VWA3B: variants seen among roughly 807,000 people sequenced by gnomAD.
The protein encoded by VWA3B is von Willebrand factor A domain containing 3B.
VWA3B carries 138 observed loss-of-function variants against 158.3 expected under a neutral mutation model. The ratio of observed to expected loss-of-function variants is 0.87; its 90% CI spans 0.76 to 1.00. The LOEUF (loss-of-function observed/expected upper bound fraction) is 1.00. Ranked by LOEUF, VWA3B falls within the 50% of genes least tolerant of loss-of-function variation. The probability of loss-of-function intolerance (pLI) is 0.00; values close to 1 mark genes in which losing one functional copy is unlikely to be tolerated. For missense variants in VWA3B, 1,555 were observed against 1,565.1 expected (o/e 0.99, Z 0.11); for synonymous variants, 596 against 587.3 (o/e 1.01, Z -0.21).
intron 7 of VWA3B, among the ~76,000 whole-genome samples, chr2:98,144,190 T>C (rs1676998457): frequency 1.3e-5 from 2 of 152,168 alleles, no homozygotes; most frequent in African/African-American, 4.8e-5. Flanking sequence ...TGGTTATATG[T>C]GTATACATGC....
intron 13 of VWA3B, among the ~76,000 whole-genome samples, chr2:98,216,017 A>G (rs1224143648): frequency 2.0e-5 from 3 of 152,188 alleles, no homozygotes; most frequent in Non-Finnish European, 4.4e-5. Flanking sequence ...CACTGGCTTT[A>G]TAGGAACTGA....
intron 2 of VWA3B, among the ~76,000 whole-genome samples, chr2:98,114,610 C>A (rs1310860837): frequency 2.6e-5 from 4 of 152,170 alleles, no homozygotes; most frequent in African/African-American, 4.8e-5. Flanking sequence ...ACAAGTACCA[C>A]CATTCTGTCT....
At chr2:98,096,430 A>T (rs1335893968) in intron 2 of VWA3B, among the ~76,000 whole-genome samples, 3 of 152,038 alleles carry the variant, frequency 2.0e-5, no homozygotes, top group African/African-American at 7.2e-5. Flanking sequence ...CACCATGCCC[A>T]GCAAATTTTT....
At chr2:98,246,269 A>G (rs753019929) in intron 19 of VWA3B, among the ~76,000 whole-genome samples, 33 of 152,170 alleles carry the variant, frequency 2.2e-4, no homozygotes, top group Non-Finnish European at 4.4e-4. Context: ...AAAGCATTTC[A>G]GATAAAGTTG....
At chr2:98,162,731 G>A (rs1370899069) in intron 7 of VWA3B, 120 bp from the exon 8 acceptor site, 27 of 1,368,370 alleles carry the variant, frequency 2.0e-5, no homozygotes, top group African/African-American at 1.2e-4. Flanking sequence ...TGGGGGAAGC[G>A]GAATTTGATG....
At chr2:98,305,253 G>A (rs1690449074) in intron 26 of VWA3B, among the ~76,000 whole-genome samples, 1 of 152,182 alleles carries the variant, frequency 6.6e-6, no homozygotes, top group Admixed American at 6.5e-5. Flanking sequence ...AACCCAGGCT[G>A]CTCTCCTGTG....
At chr2:98,250,518 T>C in intron 20 of VWA3B, 82 bp downstream of exon 20, 1 of 182,336 alleles carries the variant, frequency 5.5e-6, no homozygotes, top group East Asian at 1.5e-4. Flanking sequence ...TTAGCTTAGC[T>C]TTTTTTTTTT....
intron 17 of VWA3B, among the ~76,000 whole-genome samples, chr2:98,236,087 A>G (rs1216064714): frequency 1.3e-5 from 2 of 152,152 alleles, no homozygotes; most frequent in Non-Finnish European, 2.9e-5. Context: ...TTGAACAATC[A>G]TTGGTTAATG....
chr2:98,185,546 C>G (rs1680968077), intron 9 of VWA3B, among the ~76,000 whole-genome samples: 1 of 152,226 alleles, frequency 6.6e-6, no homozygotes, highest in Non-Finnish European at 1.5e-5. Flanking sequence ...CACTGGCTGT[C>G]CTCTCCTCCT....
At chr2:98,133,583 C>T (rs1309460569) in intron 6 of VWA3B, 1 of 477,708 alleles carries the variant, frequency 2.1e-6, no homozygotes, top group Non-Finnish European at 3.7e-6. Flanking sequence ...AGCTAATTTA[C>T]CCTCTAATGA....
chr2:98,160,840 C>A (rs1430990056), intron 7 of VWA3B, among the ~76,000 whole-genome samples: 1 of 152,230 alleles, frequency 6.6e-6, no homozygotes, highest in East Asian at 1.9e-4. Flanking sequence ...GCCATGGTAG[C>A]CGTCCGTCTC....
At chr2:98,292,388 G>A (rs111872786) in intron 23 of VWA3B, among the ~76,000 whole-genome samples, 5,938 of 152,094 alleles carry the variant, frequency 0.039, 169 homozygotes, top group Middle Eastern at 0.075. Context: ...GGTTTCCAGC[G>A]GGCACATATG....
At chr2:98,281,397 A>G (rs552194958) in intron 22 of VWA3B, among the ~76,000 whole-genome samples, 2 of 152,188 alleles carry the variant, frequency 1.3e-5, no homozygotes, top group African/African-American at 4.8e-5. Context: ...CAGACTTTAC[A>G]TGGCCTTAAG....
chr2:98,121,446 G>T lies in VWA3B; in HGVS notation c.690G>T (p.Gly230=), dbSNP rs1203524660. ...GCCTGGATGCTCTGCTGGAAGCCGGGAGAGACAAGACTGTAAGTGCGTGTT... is the reference window on the plus strand; with the variant it reads ...GCCTGGATGCTCTGCTGGAAGCCGGTAGAGACAAGACTGTAAGTGCGTGTT... ...AGRLDALLEA[G]RDKTIESIYY... Residue 230 remains glycine, a synonymous_variant, in exon 5 of 28, where the codon GGG becomes GGT. Transcript: ENST00000477737. 6.2e-7 allele frequency: 1 copy of T among 1,613,924 alleles called. No homozygotes were observed. Among genetic ancestry groups the T allele is most frequent in the Admixed American group, 1.7e-5 (1 of 60,026 alleles).
At chr2:98,317,450 C>A (rs1286443800), downstream of VWA3B, among the ~76,000 whole-genome samples, 1 of 152,154 alleles carries the variant, frequency 6.6e-6, no homozygotes, top group African/African-American at 2.4e-5. Flanking sequence ...TTATACCCTC[C>A]AGCATTAACA....
At chr2:98,320,770 C>T in the VWA3B span, among the ~76,000 whole-genome samples, 13 of 152,132 alleles carry the variant, frequency 8.5e-5, no homozygotes, top group African/African-American at 1.9e-4. Flanking sequence ...GGTGACAGAG[C>T]GTAGAAGTTC....
intron 12 of VWA3B, among the ~76,000 whole-genome samples, chr2:98,201,935 GT>G (rs774447495): frequency 5.3e-5 from 8 of 152,076 alleles, no homozygotes; most frequent in Admixed American, 6.5e-5. Flanking sequence ...TCTTGTTGAG[GT>G]TTTTTTGTCT....
At chr2:98,140,845 T>C (rs1381623624) in intron 7 of VWA3B, among the ~76,000 whole-genome samples, 1 of 152,196 alleles carries the variant, frequency 6.6e-6, no homozygotes, top group African/African-American at 2.4e-5. Context: ...TTCCCTGAAC[T>C]CTAGGAATTT....
chr2:98,274,654 C>T (rs1688412910), intron 22 of VWA3B, among the ~76,000 whole-genome samples: 1 of 152,128 alleles, frequency 6.6e-6, no homozygotes, highest in Non-Finnish European at 1.5e-5. Context: ...CTGTTGGGGT[C>T]AGGAACTTAT....
Sources: allele counts gnomAD v4.1 joint callset (sites outside exome capture counted in the v4.1 genomes callset), GRCh38; gene constraint gnomAD v4.1.1; transcripts MANE v1.5; gene names NCBI Gene and HGNC (gene_info 2026-07-23, HGNC 2026-07-21).